CSMD1: variants seen among roughly 807,000 people sequenced by gnomAD.
CSMD1 encodes the protein CUB and sushi domain-containing protein 1.
A neutral mutation model predicts 417.5 loss-of-function variants in CSMD1; 213 were observed. The observed-to-expected ratio is 0.51, with a 90% confidence interval of 0.46 to 0.57. The LOEUF (loss-of-function observed/expected upper bound fraction) is 0.57, where lower values mean the gene tolerates loss of function less well. Ranked by LOEUF, CSMD1 falls within the 20% of genes least tolerant of loss-of-function variation. The probability of loss-of-function intolerance (pLI) is 0.00; values close to 1 mark genes in which losing one functional copy is unlikely to be tolerated. For missense variants in CSMD1, 6,923 were observed against 4,529.7 expected, an observed-to-expected ratio of 1.53 and a Z score of -15.17; for synonymous variants, 2,862 against 1,736.8, an observed-to-expected ratio of 1.65 and a Z score of -16.11.
At chr8:3,091,744 C>CG in intron 47 of CSMD1, 82 bp from the exon 48 acceptor site, 1 of 1,282,502 alleles carries the variant, frequency 7.8e-7, no homozygotes, top group Non-Finnish European at 1.1e-6. Flanking sequence ...TTTGATTACA[C>CG]TGGAGTCTAC....
chr8:3,558,859 C>G (rs1799342206), intron 10 of CSMD1, among the ~76,000 whole-genome samples: 1 of 152,142 alleles, frequency 6.6e-6, no homozygotes, highest in Admixed American at 6.5e-5. Context: ...AGTAGTACCC[C>G]ATGTTCACCT....
At position 3,870,125 on chromosome 8, in the gene CSMD1, A is replaced by G. The variant is rs140305169; in HGVS notation, c.819-116083T>C. 4.4e-3 allele frequency among the ~76,000 whole-genome samples: 673 copies of G among 152,322 alleles called. 4 individuals carry two copies. The highest frequency in any genetic ancestry group is 0.015 in the African/African-American group (637 of 41,582). The stretch of plus-strand genomic sequence containing the variant: ...AACATGCACTCTATAAACAGGTAGA[A>G]TAAAAACAGAGATTACACATTATTT... On this transcript the variant is annotated intron_variant, in intron 5 of 69. Transcript: ENST00000635120.
At chr8:4,394,514 T>C (rs1488207252) in intron 3 of CSMD1, among the ~76,000 whole-genome samples, 1 of 152,178 alleles carries the variant, frequency 6.6e-6, no homozygotes, top group Non-Finnish European at 1.5e-5. Context: ...ATGAGTGAGA[T>C]GAGGCGCTCA....
At chr8:3,633,068 C>T (rs1324347652) in intron 7 of CSMD1, among the ~76,000 whole-genome samples, 2 of 152,146 alleles carry the variant, frequency 1.3e-5, no homozygotes, top group African/African-American at 4.8e-5. Context: ...TGTTGACTCC[C>T]AACACTAATT....
intron 3 of CSMD1, among the ~76,000 whole-genome samples, chr8:4,232,024 A>T (rs1159471991): frequency 6.6e-6 from 1 of 152,326 alleles, no homozygotes; most frequent in Admixed American, 6.5e-5. Context: ...CGTAAGTATG[A>T]AACAATATGT....
At chr8:3,851,208 T>C (rs1356087264) in intron 5 of CSMD1, among the ~76,000 whole-genome samples, 1 of 152,202 alleles carries the variant, frequency 6.6e-6, no homozygotes, top group Non-Finnish European at 1.5e-5. Context: ...CTCATTATGC[T>C]AGAAGGTAGA....
intron 5 of CSMD1, among the ~76,000 whole-genome samples, chr8:3,878,986 C>CA (rs1273145293): frequency 6.6e-6 from 1 of 152,048 alleles, no homozygotes; most frequent in East Asian, 1.9e-4. Flanking sequence ...GCACTTCAAG[C>CA]AAAAAATAAT....
chr8:4,973,317 T>C (rs1432500141), intron 1 of CSMD1, among the ~76,000 whole-genome samples: 25 of 152,226 alleles, frequency 1.6e-4, no homozygotes, highest in Non-Finnish European at 2.5e-4. Context: ...CCTTGACTTA[T>C]AGGCGAAGTC....
intron 3 of CSMD1, among the ~76,000 whole-genome samples, chr8:4,209,027 T>G (rs1700073): frequency 6.6e-6 from 1 of 151,978 alleles, no homozygotes; most frequent in Non-Finnish European, 1.5e-5. Context: ...TGAATCCAAT[T>G]GTATTCTCTC....
intron 3 of CSMD1, among the ~76,000 whole-genome samples, chr8:4,203,420 A>G (rs1449284237): frequency 6.6e-6 from 1 of 152,174 alleles, no homozygotes; most frequent in Non-Finnish European, 1.5e-5. Context: ...ATTTGTGGTA[A>G]TATCTCACAG....
intron 7 of CSMD1, among the ~76,000 whole-genome samples, chr8:3,670,137 C>T (rs1044950586): frequency 6.6e-6 from 1 of 151,668 alleles, no homozygotes; most frequent in Non-Finnish European, 1.5e-5. Flanking sequence ...GAGGGTGATG[C>T]CAAAGGAGAT....
At chr8:4,193,208 A>T (rs1053446574) in intron 3 of CSMD1, among the ~76,000 whole-genome samples, 2 of 152,198 alleles carry the variant, frequency 1.3e-5, no homozygotes, top group African/African-American at 2.4e-5. Flanking sequence ...CAGGGCTGAA[A>T]GCAAAGTTGT....
intron 5 of CSMD1, among the ~76,000 whole-genome samples, chr8:3,984,855 C>G (rs562474297): frequency 6.2e-4 from 93 of 150,164 alleles, no homozygotes; most frequent in Admixed American, 1.3e-3. Context: ...AGAAGAAAGC[C>G]AGAAATGAAG....
At chr8:4,342,325 T>C (rs966663058) in intron 3 of CSMD1, among the ~76,000 whole-genome samples, 2 of 152,008 alleles carry the variant, frequency 1.3e-5, no homozygotes, top group Non-Finnish European at 2.9e-5. Context: ...ATGTAAAACA[T>C]AGGTATTACA....
rs533857457 is a variant in CSMD1, at chr8:4,117,025, TC to T, written c.416-84927del. Among the ~76,000 whole-genome samples the T allele has an allele frequency of 4.1e-3, 619 of 152,088 alleles. 4 individuals carry two copies. Among genetic ancestry groups the T allele is most frequent in the Middle Eastern group, 0.027 (8 of 294 alleles). Reference sequence around the variant, plus strand: ...TGGCCTGACGCTTAACCTTTTTTTTTCTTTTCGCAGTTTGGAAACTGTCAGT... The same window carrying T: ...TGGCCTGACGCTTAACCTTTTTTTTTTTTTCGCAGTTTGGAAACTGTCAGT... On this transcript the variant is annotated intron_variant, in intron 3 of 69. Coordinates refer to ENST00000635120, the MANE Select transcript of CSMD1 (RefSeq NM_033225.6).
intron 3 of CSMD1, among the ~76,000 whole-genome samples, chr8:4,250,314 T>G (rs1345044919): frequency 6.6e-6 from 1 of 152,136 alleles, no homozygotes; most frequent in African/African-American, 2.4e-5. Context: ...CTGGTGGAAT[T>G]TTCCATAGCT....
chr8:4,553,988 G>C (rs140658110), intron 2 of CSMD1, among the ~76,000 whole-genome samples: 3 of 152,328 alleles, frequency 2.0e-5, no homozygotes, highest in Non-Finnish European at 4.4e-5. Context: ...GCATGAGACA[G>C]TCTGGCCAAA....
chr8:4,293,180 T>C (rs942351251), intron 3 of CSMD1, among the ~76,000 whole-genome samples: 1 of 151,952 alleles, frequency 6.6e-6, no homozygotes, highest in African/African-American at 2.4e-5. Context: ...GGACTGAACC[T>C]CCCTGGCACA....
At chr8:3,099,012 G>C (rs1046913132) in intron 46 of CSMD1, among the ~76,000 whole-genome samples, 3 of 151,604 alleles carry the variant, frequency 2.0e-5, no homozygotes, top group Non-Finnish European at 4.4e-5. Flanking sequence ...AAGCTTCTCG[G>C]TACTGCCGAC....
Sources: gnomAD v4.1 joint callset for allele counts (sites outside exome capture counted in the v4.1 genomes callset) on GRCh38, gnomAD v4.1.1 for gene constraint, MANE v1.5 for transcripts, NCBI Gene and HGNC (gene_info 2026-07-23, HGNC 2026-07-21) for gene names.